RANBP2: variants seen among roughly 807,000 people sequenced by gnomAD.
The protein encoded by RANBP2 is RAN binding protein 2, also known as E3 SUMO-protein ligase RanBP2.
In RANBP2, 57 loss-of-function variants were observed where a neutral mutation model predicts 303.6. That is an observed-to-expected ratio of 0.19 (90% CI 0.15 to 0.23). The LOEUF (loss-of-function observed/expected upper bound fraction) is 0.23. Ranked by LOEUF, RANBP2 falls within the 10% of genes least tolerant of loss-of-function variation. RANBP2 has a pLI of 1.00. For missense variants in RANBP2, 3,138 were observed against 3,780.8 expected, an observed-to-expected ratio of 0.83 and a Z score of 4.46; for synonymous variants, 1,167 against 1,301.5, an observed-to-expected ratio of 0.90 and a Z score of 2.23.
chr2:109,099,058 C>T, the RANBP2 span, among the ~76,000 whole-genome samples: 1 of 152,118 alleles, frequency 6.6e-6, no homozygotes, highest in African/African-American at 2.4e-5. Context: ...CTGGCAGAGA[C>T]CATAATAAGC....
At chr2:109,348,443 A>G in the RANBP2 span, among the ~76,000 whole-genome samples, 3 of 152,204 alleles carry the variant, frequency 2.0e-5, no homozygotes, top group Non-Finnish European at 2.9e-5. Flanking sequence ...AGGCAGGGCC[A>G]CCCTGGTGCG....
the RANBP2 span, among the ~76,000 whole-genome samples, chr2:108,844,281 G>A: frequency 6.6e-6 from 1 of 152,078 alleles, no homozygotes; most frequent in Non-Finnish European, 1.5e-5. Context: ...CAGGTTGTTT[G>A]CAGTTGTTCA....
At chr2:109,061,018 G>T in the RANBP2 span, among the ~76,000 whole-genome samples, 1 of 152,058 alleles carries the variant, frequency 6.6e-6, no homozygotes, top group East Asian at 1.9e-4. Flanking sequence ...CTTCAAACTT[G>T]CTCCATTTCT....
At chr2:109,469,126 C>T in the RANBP2 span, among the ~76,000 whole-genome samples, 2 of 152,172 alleles carry the variant, frequency 1.3e-5, no homozygotes, top group African/African-American at 4.8e-5. Flanking sequence ...CCATGCCATG[C>T]CTTTCTTCTC....
the RANBP2 span, among the ~76,000 whole-genome samples, chr2:109,089,304 T>C: frequency 4.6e-5 from 7 of 152,092 alleles, no homozygotes; most frequent in African/African-American, 1.7e-4. Flanking sequence ...TATGTCAGTG[T>C]TAAAAACACA....
the RANBP2 span, among the ~76,000 whole-genome samples, chr2:108,821,928 C>CAAA: frequency 2.0e-4 from 26 of 130,834 alleles, no homozygotes; most frequent in Admixed American, 4.6e-4. Context: ...AACTTTGTCT[C>CAAA]AAAAAAAAAA....
the RANBP2 span, among the ~76,000 whole-genome samples, chr2:109,726,687 T>C: frequency 6.6e-6 from 1 of 152,110 alleles, no homozygotes; most frequent in Non-Finnish European, 1.5e-5. Context: ...TTTTACATTT[T>C]CCCAAAGTCC....
the RANBP2 span, among the ~76,000 whole-genome samples, chr2:109,153,939 T>C: frequency 6.6e-6 from 1 of 152,166 alleles, no homozygotes. Context: ...AATTATAAAA[T>C]TATTAAGAAT....
the RANBP2 span, among the ~76,000 whole-genome samples, chr2:109,511,236 C>T: frequency 6.6e-6 from 1 of 152,156 alleles, no homozygotes; most frequent in African/African-American, 2.4e-5. Flanking sequence ...GACACTTGTC[C>T]CTGTCTGACT....
At chr2:109,349,952 A>G in the RANBP2 span, among the ~76,000 whole-genome samples, 1 of 152,238 alleles carries the variant, frequency 6.6e-6, no homozygotes, top group Non-Finnish European at 1.5e-5. Flanking sequence ...TGTGTCGGGT[A>G]CTAGACCTGC....
the RANBP2 span, among the ~76,000 whole-genome samples, chr2:109,215,647 G>A: frequency 0.018 from 2,796 of 152,178 alleles, 104 homozygotes; most frequent in African/African-American, 0.063. Flanking sequence ...AGGGTGCTGG[G>A]CTCTCACCTA....
At chr2:109,474,073 G>A in the RANBP2 span, among the ~76,000 whole-genome samples, 10 of 152,122 alleles carry the variant, frequency 6.6e-5, no homozygotes, top group Non-Finnish European at 1.2e-4. Context: ...TTGGGGGTTC[G>A]TGGCTTCCAT....
At chr2:109,560,429 C>T in the RANBP2 span, among the ~76,000 whole-genome samples, 2 of 152,298 alleles carry the variant, frequency 1.3e-5, no homozygotes, top group South Asian at 4.1e-4. Context: ...CTCCTATCTG[C>T]TCCTCCAGCT....
chr2:109,582,323 T>C, the RANBP2 span, among the ~76,000 whole-genome samples: 1 of 152,084 alleles, frequency 6.6e-6, no homozygotes, highest in Non-Finnish European at 1.5e-5. Context: ...ATTGCTGTTT[T>C]TTTGTTTTGT....
the RANBP2 span, among the ~76,000 whole-genome samples, chr2:109,500,810 G>A: frequency 1.3e-5 from 2 of 152,064 alleles, no homozygotes; most frequent in African/African-American, 4.8e-5. Context: ...AATTGGCTGG[G>A]CATGGTGGTA....
chr2:108,949,054 T>G, the RANBP2 span, among the ~76,000 whole-genome samples: 2 of 152,210 alleles, frequency 1.3e-5, no homozygotes, highest in African/African-American at 4.8e-5. Flanking sequence ...ATGGCTTCAC[T>G]GCAGTCTCGA....
chr2:109,660,488 G>T, the RANBP2 span, among the ~76,000 whole-genome samples: 2 of 152,138 alleles, frequency 1.3e-5, no homozygotes, highest in Non-Finnish European at 2.9e-5. Context: ...TGTCCAATTT[G>T]CTCAAAACAC....
chr2:109,244,629 CAGG>C, the RANBP2 span, among the ~76,000 whole-genome samples: 14 of 152,314 alleles, frequency 9.2e-5, no homozygotes, highest in South Asian at 2.7e-3. Flanking sequence ...TGCCAGTTAG[CAGG>C]AGAAGATATC....
the RANBP2 span, chr2:109,552,580 C>A: frequency 1.3e-5 from 2 of 155,166 alleles, no homozygotes; most frequent in Non-Finnish European, 2.8e-5. Context: ...CACAGTAAGA[C>A]GCATACACTG....
Sources: allele counts gnomAD v4.1 joint callset (sites outside exome capture counted in the v4.1 genomes callset), GRCh38; gene constraint gnomAD v4.1.1; transcripts MANE v1.5; gene names NCBI Gene and HGNC (gene_info 2026-07-23, HGNC 2026-07-21).